SYNE1: variants seen among roughly 807,000 people sequenced by gnomAD.
SYNE1 encodes spectrin repeat containing nuclear envelope protein 1.
SYNE1 carries 616 observed loss-of-function variants against 1,111.0 expected under a neutral mutation model. The ratio of observed to expected loss-of-function variants is 0.55; its 90% CI spans 0.52 to 0.59. The LOEUF (loss-of-function observed/expected upper bound fraction) is 0.59. SYNE1 is among the 20% of genes least tolerant of loss of function. SYNE1 has a pLI of 0.00. For synonymous variants in SYNE1, 3,855 were observed against 3,825.8 expected (o/e 1.01, Z -0.28); for missense variants, 10,006 against 10,417.0 (o/e 0.96, Z 1.72).
At chr6:152,353,858 G>C (rs1213359190) in intron 67 of SYNE1, 114 bp from the exon 68 acceptor site, 15 of 1,373,888 alleles carry the variant, frequency 1.1e-5, no homozygotes, top group Non-Finnish European at 3.1e-6. Flanking sequence ...TGTTTATTTT[G>C]AGATTTAATT....
In SYNE1 at chr6:152,293,613, G is replaced by A. The variant is rs1465392942; in HGVS notation, c.17987C>T (p.Pro5996Leu). ...LSESPEPGRS[P>L]ESQMAEHQAL... Reference sequence around the variant, plus strand: ...CTGATGTTCAGCCATCTGGCTTTCTGGACTCCTGCCAGGCTCTGGGCTCTC... The same window carrying A: ...CTGATGTTCAGCCATCTGGCTTTCTAGACTCCTGCCAGGCTCTGGGCTCTC... The change falls in exon 95 of 146, where the codon CCA (proline) becomes CTA (leucine). Residue 5996 changes from proline (P) to leucine (L), a missense_variant. Transcript: ENST00000367255. 2.5e-6 allele frequency: 4 copies of A among 1,613,960 alleles called. No homozygotes were observed. The highest frequency in any genetic ancestry group is 3.4e-6 in the Non-Finnish European group (4 of 1,180,014).
chr6:152,293,040 C>A (rs1265295340), intron 95 of SYNE1, among the ~76,000 whole-genome samples: 1 of 152,192 alleles, frequency 6.6e-6, no homozygotes, highest in Middle Eastern at 3.2e-3. Context: ...GTAATGATCT[C>A]TGTTTTTCAT....
chr6:152,613,503 C>T (rs1324569803), intron 3 of SYNE1, among the ~76,000 whole-genome samples: 1 of 152,052 alleles, frequency 6.6e-6, no homozygotes, highest in Non-Finnish European at 1.5e-5. Context: ...TAAAAGAGGA[C>T]ACAAACAAAT....
At chr6:152,305,465 A>G (rs567129220) in intron 91 of SYNE1, among the ~76,000 whole-genome samples, 13 of 152,142 alleles carry the variant, frequency 8.5e-5, no homozygotes, top group African/African-American at 2.9e-4. Flanking sequence ...GGGTTTCACC[A>G]TATTGGCCAG....
rs770981925 is a variant in SYNE1, at chr6:152,436,057, G to A, written c.4194C>T (p.Asn1398=). 2.5e-6 allele frequency: 4 copies of A among 1,613,904 alleles called. No individual in the cohort carries two copies. Among genetic ancestry groups the A allele is most frequent in the Admixed American group, 1.7e-5 (1 of 59,988 alleles). Residue 1398 remains asparagine, a synonymous_variant, in exon 33 of 146, where the codon AAC becomes AAT. Coordinates refer to ENST00000367255, the MANE Select transcript of SYNE1 (RefSeq NM_182961.4). ...GTATCTCTGAAGCTTCCTTTACAAG[G>A]TTCTCAGCCTGGACTGCAATACTTT... is the stretch of plus-strand genomic sequence containing the variant. ...RTESIAVQAE[N]LVKEASEIPL... is the part of the protein sequence containing the mutation.
intron 12 of SYNE1, among the ~76,000 whole-genome samples, chr6:152,485,726 C>T (rs1311715430): frequency 1.3e-5 from 2 of 151,946 alleles, no homozygotes; most frequent in Non-Finnish European, 1.5e-5. Flanking sequence ...TTAAAATGTG[C>T]AATTATGTTA....
chr6:152,436,993 T>C (rs765873277), intron 32 of SYNE1, among the ~76,000 whole-genome samples: 2 of 150,372 alleles, frequency 1.3e-5, no homozygotes, highest in Non-Finnish European at 1.5e-5. Context: ...TGGGAAGACC[T>C]CCATCTCTAG....
intron 12 of SYNE1, among the ~76,000 whole-genome samples, chr6:152,486,853 C>CTCT (rs2098943580): frequency 6.6e-6 from 1 of 152,088 alleles, no homozygotes; most frequent in Non-Finnish European, 1.5e-5. Context: ...CTTTTGTCTA[C>CTCT]CATGTTGAAG....
chr6:152,222,534 A>T (rs1341113048), intron 117 of SYNE1, among the ~76,000 whole-genome samples: 2 of 152,250 alleles, frequency 1.3e-5, no homozygotes, highest in Non-Finnish European at 2.9e-5. Context: ...ACTTAAAAAA[A>T]TGATTTTCAA....
intron 93 of SYNE1, among the ~76,000 whole-genome samples, chr6:152,299,525 T>C (rs946792273): frequency 1.1e-4 from 16 of 152,214 alleles, no homozygotes; most frequent in African/African-American, 3.9e-4. Flanking sequence ...GCTGACTCCT[T>C]CTCAGCTGCA....
chr6:152,636,788 T>G lies in SYNE1; in HGVS notation c.-374A>C, dbSNP rs1026270246. Reference sequence around the variant, plus strand: ...CGGGATCGGGCGCGGTCTGCAGGACTGCGGGAGCCCAGCCGCCCTGGTGAC... The same window carrying G: ...CGGGATCGGGCGCGGTCTGCAGGACGGCGGGAGCCCAGCCGCCCTGGTGAC... On this transcript the variant is annotated 5_prime_UTR_variant, in exon 2 of 146. Transcript: ENST00000367255. 9 of 152,156 alleles carry G rather than the reference T, an allele frequency of 5.9e-5. No homozygotes were observed. The highest frequency in any genetic ancestry group is 2.2e-4 in the African/African-American group (9 of 41,438). 9.4% of individuals were successfully genotyped at this position (152,156 alleles called of 1,614,324 possible).
intron 128 of SYNE1, 101 bp downstream of exon 128, chr6:152,189,151 A>C (rs2071445354): frequency 7.9e-7 from 1 of 1,263,834 alleles, no homozygotes; most frequent in Non-Finnish European, 1.1e-6. Flanking sequence ...CGTACTAAGA[A>C]TTATGGGCCG....
Position 152,139,717 on chromosome 6 carries a change from A to AAAAGAAAGAAAGAAAAAG in SYNE1, c.25458+232_25458+233insCTTTTTCTTTCTTTCTTT. ...AAGAAAGAGAAAAAGAAAAGAAAGA[A>AAAAGAAAGAAAGAAAAAG]AAAGAAAGAAAGAAAGAAAGAAAGA... On this transcript the variant is annotated intron_variant, in intron 140 of 145. Coordinates refer to ENST00000367255, the MANE Select transcript of SYNE1 (RefSeq NM_182961.4). Among the ~76,000 whole-genome samples the AAAAGAAAGAAAGAAAAAG allele has an allele frequency of 1.3e-3, 124 of 95,450 alleles. 5 individuals are homozygous for AAAAGAAAGAAAGAAAAAG. The highest frequency in any genetic ancestry group is 5.3e-3 in the African/African-American group (119 of 22,530). 62.6% of individuals were successfully genotyped at this position (95,450 alleles called of 152,430 possible).
rs113955616 is a variant in SYNE1, at chr6:152,224,336, G to A, written c.21522+158C>T. Among the ~76,000 whole-genome samples, 951 of 152,180 alleles carry A rather than the reference G, an allele frequency of 6.2e-3. 8 individuals are homozygous for A. Among genetic ancestry groups the A allele is most frequent in the Middle Eastern group, 0.051 (15 of 294 alleles). Reference sequence around the variant, plus strand: ...GGCACACACAGGCAAGTTTGCTCAAGTAACAATAACACAGGTAAAATTAAT... The same window carrying A: ...GGCACACACAGGCAAGTTTGCTCAAATAACAATAACACAGGTAAAATTAAT... On this transcript the variant is annotated intron_variant, in intron 117 of 145. Transcript: ENST00000367255.
At position 152,192,998 on chromosome 6, in the gene SYNE1, T is replaced by G. The variant is rs754104683; in HGVS notation, c.23146-3591A>C. 8.7e-4 allele frequency among the ~76,000 whole-genome samples: 133 copies of G among 152,232 alleles called. 1 individual carries two copies. Among genetic ancestry groups the G allele is most frequent in the Non-Finnish European group, 5.1e-4 (35 of 68,006 alleles). On this transcript the variant is annotated intron_variant, in intron 127 of 145. Transcript: ENST00000367255. ...TTCTTGTAGGCAACAGATCATTGGG[T>G]CTTATGTTTTTTAATCCATTTAGTC... is the stretch of plus-strand genomic sequence containing the variant.
chr6:152,291,956 C>T (rs1265381674), intron 95 of SYNE1, among the ~76,000 whole-genome samples: 2 of 152,156 alleles, frequency 1.3e-5, no homozygotes, highest in African/African-American at 4.8e-5. Context: ...CTGAGGAGCA[C>T]ATACTCAACC....
intron 53 of SYNE1, 71 bp from the exon 54 acceptor site, chr6:152,387,452 C>T (rs924562512): frequency 8.7e-6 from 13 of 1,495,892 alleles, no homozygotes; most frequent in Admixed American, 3.4e-5. Flanking sequence ...ATCACAAAGT[C>T]GTGACATCCA....
chr6:152,173,545 G>C (rs1187514602), intron 130 of SYNE1, among the ~76,000 whole-genome samples: 1 of 152,148 alleles, frequency 6.6e-6, no homozygotes, highest in Non-Finnish European at 1.5e-5. Context: ...GGATGGGTGT[G>C]GGAAACATGC....
chr6:152,403,255 A>G (rs2097848485), intron 46 of SYNE1, among the ~76,000 whole-genome samples: 1 of 152,170 alleles, frequency 6.6e-6, no homozygotes, highest in Admixed American at 6.5e-5. Context: ...TGGGCACTGA[A>G]GTAGCCCAGG....
Sources: gnomAD v4.1 joint callset for allele counts (sites outside exome capture counted in the v4.1 genomes callset) on GRCh38, gnomAD v4.1.1 for gene constraint, MANE v1.5 for transcripts, NCBI Gene and HGNC (gene_info 2026-07-23, HGNC 2026-07-21) for gene names.